The following ANKRD28 variants were observed in gnomAD, a reference collection of about 807,000 sequenced individuals.
ANKRD28 encodes ankyrin repeat domain 28.
A neutral mutation model predicts 126.5 loss-of-function variants in ANKRD28; 44 were observed. That is an observed-to-expected ratio of 0.35 (90% CI 0.27 to 0.45). The LOEUF (loss-of-function observed/expected upper bound fraction) is 0.45, where lower values mean the gene tolerates loss of function less well. Among genes scored for constraint, ANKRD28 ranks in the 20% least tolerant of loss-of-function variants. The pLI is 1.00. For synonymous variants in ANKRD28, 442 were observed against 468.5 expected (o/e 0.94, Z 0.73); for missense variants, 1,110 against 1,316.6 (o/e 0.84, Z 2.43).
At chr3:15,809,560 T>C (rs994148031) in intron 1 of ANKRD28, among the ~76,000 whole-genome samples, 1 of 152,168 alleles carries the variant, frequency 6.6e-6, no homozygotes, top group Non-Finnish European at 1.5e-5. Context: ...TCTTTCGGGA[T>C]TGTGAGGACA....
At chr3:15,763,918 G>T (rs1239733941) in intron 3 of ANKRD28, among the ~76,000 whole-genome samples, 1 of 152,068 alleles carries the variant, frequency 6.6e-6, no homozygotes, top group African/African-American at 2.4e-5. Context: ...TCTTTACACT[G>T]ATAAAACATT....
intron 4 of ANKRD28, among the ~76,000 whole-genome samples, chr3:15,751,011 C>A (rs542347647): frequency 1.3e-5 from 2 of 150,666 alleles, no homozygotes; most frequent in Admixed American, 6.6e-5. Flanking sequence ...ACCGAATACA[C>A]ATTATAAAGT....
intron 12 of ANKRD28, 76 bp from the exon 13 acceptor site, chr3:15,709,812 T>G (rs915961366): frequency 4.5e-6 from 4 of 880,706 alleles, no homozygotes; most frequent in Non-Finnish European, 6.9e-6. Flanking sequence ...TAAAGAAGCA[T>G]GAAAGCATGT....
chr3:15,793,934 G>T (rs2060151557), intron 2 of ANKRD28, among the ~76,000 whole-genome samples: 1 of 152,140 alleles, frequency 6.6e-6, no homozygotes, highest in African/African-American at 2.4e-5. Flanking sequence ...ATCGGGCGTG[G>T]TGGCAGGTGC....
chr3:15,780,782 T>C (rs192635938), intron 2 of ANKRD28, among the ~76,000 whole-genome samples: 4 of 152,218 alleles, frequency 2.6e-5, no homozygotes, highest in South Asian at 2.1e-4. Context: ...TTATGGTCAC[T>C]TGATTTTTGA....
chr3:15,703,384 A>G (rs2070897995), intron 14 of ANKRD28, among the ~76,000 whole-genome samples: 1 of 152,164 alleles, frequency 6.6e-6, no homozygotes, highest in Admixed American at 6.6e-5. Flanking sequence ...TGAAATTCCA[A>G]CCTCAAGGTG....
intron 2 of ANKRD28, among the ~76,000 whole-genome samples, chr3:15,775,493 C>T (rs550829057): frequency 6.6e-6 from 1 of 152,304 alleles, no homozygotes; most frequent in South Asian, 2.1e-4. Flanking sequence ...TCCCAAAAGA[C>T]TGCCCCTTAC....
At position 15,854,459 on chromosome 3, in the gene ANKRD28, T is replaced by C. The variant is rs1369183041; in HGVS notation, c.27+4918A>G. 6.6e-6 allele frequency among the ~76,000 whole-genome samples: 1 copy of C among 152,222 alleles called. No homozygotes were observed. Among genetic ancestry groups the C allele is most frequent in the Non-Finnish European group, 1.5e-5 (1 of 68,042 alleles). ...TTTCCCTCCACTTACAATCAGATTA[T>C]CTGATCCTTTAAATTCTGAAACATG... is the stretch of plus-strand genomic sequence containing the variant. On this transcript the variant is annotated intron_variant, in intron 1 of 27. Coordinates refer to the ANKRD28 transcript ENST00000399451. This position sits in a 1 kb window ranked among gnomAD's most constrained non-coding sequence, Gnocchi z 4.1.
rs1011300783 is a variant in ANKRD28 at position 15,839,589 on chromosome 3, T to TAA, written c.27+19786_27+19787dup. On this transcript the variant is annotated intron_variant, in intron 1 of 27. Coordinates refer to the ANKRD28 transcript ENST00000399451. This position sits in a 1 kb window ranked among gnomAD's most constrained non-coding sequence, Gnocchi z 4.3. ...ATACATGAACCAGACAAAGACACATTAAAAAAAAAGAAAACGATAGGCCAA... is the reference window on the plus strand; with the variant it reads ...ATACATGAACCAGACAAAGACACATTAAAAAAAAAAAGAAAACGATAGGCCAA... 6.7e-6 allele frequency among the ~76,000 whole-genome samples: 1 copy of TAA among 150,030 alleles called. No homozygotes were observed. The highest frequency in any genetic ancestry group is 1.5e-5 in the Non-Finnish European group (1 of 67,424).
intron 1 of ANKRD28, among the ~76,000 whole-genome samples, chr3:15,809,957 C>A (rs1255729215): frequency 6.6e-6 from 1 of 152,090 alleles, no homozygotes; most frequent in Non-Finnish European, 1.5e-5. Flanking sequence ...CTCTGCCTAG[C>A]ACATCCCCCT....
chr3:15,725,324 G>T (rs1388805927), intron 6 of ANKRD28, among the ~76,000 whole-genome samples: 1 of 152,108 alleles, frequency 6.6e-6, no homozygotes, highest in Non-Finnish European at 1.5e-5. Context: ...GGATAACAAG[G>T]GACAACTATA....
intron 14 of ANKRD28, among the ~76,000 whole-genome samples, chr3:15,701,740 A>G (rs969046497): frequency 2.4e-4 from 37 of 152,216 alleles, no homozygotes; most frequent in African/African-American, 8.2e-4. Flanking sequence ...CTCTAAGGTA[A>G]TAAGACTGGT....
In ANKRD28 at chr3:15,766,288, G is replaced by A. The variant is rs1435422493; in HGVS notation, c.226C>T (p.His76Tyr). The A allele has an allele frequency of 6.2e-7, 1 of 1,611,204 alleles. No homozygotes were observed. The highest frequency in any genetic ancestry group is 8.5e-7 in the Non-Finnish European group (1 of 1,178,192). Reference sequence around the variant, plus strand: ...GCATCTCCAAGGTAAGCTGCGGCGTGCAATGGGGTTCGCTTTTCATTGTCC... The same window carrying A: ...GCATCTCCAAGGTAAGCTGCGGCGTACAATGGGGTTCGCTTTTCATTGTCC... Reference protein sequence around the residue: ...FQDNEKRTPLHAAAYLGDAEI... With the variant: ...FQDNEKRTPLYAAAYLGDAEI... Residue 76 changes from histidine to tyrosine, a missense_variant, in exon 3 of 28, where the codon CAC (histidine) becomes TAC (tyrosine). Coordinates refer to ENST00000683139, the MANE Select transcript of ANKRD28 (RefSeq NM_001349278.2).
rs1575814748 is a variant in ANKRD28, at chr3:15,846,357, C to CGA, written c.27+13019_27+13020insTC. Among the ~76,000 whole-genome samples, 1 of 152,246 alleles carries CGA rather than the reference C, an allele frequency of 6.6e-6. No individual in the cohort carries two copies. Among genetic ancestry groups the CGA allele is most frequent in the East Asian group, 1.9e-4 (1 of 5,202 alleles). The stretch of plus-strand genomic sequence containing the variant: ...AAATCTTAAAGCTCCAAAATAATCT[C>CGA]CTTTGACTCCATGTCTCACATCCAG... On this transcript the variant is annotated intron_variant, in intron 1 of 27. Coordinates refer to the ANKRD28 transcript ENST00000399451. This position sits in a 1 kb window ranked among gnomAD's most constrained non-coding sequence, Gnocchi z 5.4.
At chr3:15,811,560 T>C (rs540985570) in intron 1 of ANKRD28, among the ~76,000 whole-genome samples, 105 of 152,168 alleles carry the variant, frequency 6.9e-4, no homozygotes, top group South Asian at 5.2e-3. Context: ...GTTCAAGCGA[T>C]TCTCCTGCCT....
At chr3:15,689,850 T>C in intron 18 of ANKRD28, 169 bp downstream of exon 18, 1 of 620,504 alleles carries the variant, frequency 1.6e-6, no homozygotes, top group Admixed American at 3.0e-5. Flanking sequence ...CTTTGTAAAT[T>C]CATTTGTGTG....
At chr3:15,859,644 C>A in exon 1 of ANKRD28, 1 of 166,156 alleles carries the variant, frequency 6.0e-6, no homozygotes, top group Non-Finnish European at 1.3e-5. Flanking sequence ...CCGCCTCCTC[C>A]TCTGAGGACT....
At chr3:15,763,097 T>C (rs911191583) in intron 3 of ANKRD28, among the ~76,000 whole-genome samples, 1 of 152,250 alleles carries the variant, frequency 6.6e-6, no homozygotes, top group Non-Finnish European at 1.5e-5. Context: ...AATAGAAATC[T>C]AGCCTTGGAT....
intron 18 of ANKRD28, among the ~76,000 whole-genome samples, chr3:15,688,239 T>C (rs1369497741): frequency 1.3e-5 from 2 of 152,226 alleles, no homozygotes; most frequent in Non-Finnish European, 2.9e-5. Context: ...TATAGATTAA[T>C]ATTTTTAAAA....
Sources: allele counts gnomAD v4.1 joint callset (sites outside exome capture counted in the v4.1 genomes callset), GRCh38; gene constraint gnomAD v4.1.1; non-coding constraint Gnocchi (gnomAD v3.1); transcripts MANE v1.5; gene names NCBI Gene and HGNC (gene_info 2026-07-23, HGNC 2026-07-21).